NDRG1: variants seen among roughly 807,000 people sequenced by gnomAD.
NDRG1 encodes the protein N-myc downstream regulated 1.
NDRG1 carries 32 observed loss-of-function variants against 56.9 expected under a neutral mutation model. That is an observed-to-expected ratio of 0.56 (90% confidence interval 0.42 to 0.76). NDRG1 has a LOEUF of 0.76. NDRG1 is among the 30% of genes least tolerant of loss of function. The pLI, the probability that NDRG1 is intolerant of heterozygous loss-of-function variation, is 0.00. For synonymous variants in NDRG1, 211 were observed against 204.1 expected (o/e 1.03, Z -0.29); for missense variants, 507 against 545.7 (o/e 0.93, Z 0.71).
At position 133,255,504 on chromosome 8, in the gene NDRG1, G is replaced by A. The variant is rs533730479; in HGVS notation, c.538-909C>T. On this transcript the variant is annotated intron_variant, in intron 8 of 15. Transcript: ENST00000323851. ...TCAGGCTTCACATTAGCCAGTGGTC[G>A]ACATCCCCAGACCTTCGAGTCTCAC... The A allele has an allele frequency of 2.7e-4, 106 of 398,888 alleles. 1 individual carries two copies. The highest frequency in any genetic ancestry group is 1.0e-3 in the South Asian group (56 of 55,554). The allele number at this position is 398,888 out of a possible 1,614,324, so 24.7% of individuals were successfully genotyped here.
intron 1 of NDRG1, among the ~76,000 whole-genome samples, chr8:133,288,650 G>T (rs1325356532): frequency 6.6e-6 from 1 of 152,200 alleles, no homozygotes; most frequent in Non-Finnish European, 1.5e-5. Context: ...GGACCCACTA[G>T]AAAGCATCAA....
chr8:133,254,216 G>A (rs117569140), intron 9 of NDRG1, among the ~76,000 whole-genome samples: 2,051 of 152,318 alleles, frequency 0.013, 20 homozygotes, highest in Non-Finnish European at 0.021. Context: ...GGGGCACAAG[G>A]AAACTCTTGG....
At chr8:133,279,169 C>A (rs1375944167) in intron 3 of NDRG1, among the ~76,000 whole-genome samples, 1 of 152,200 alleles carries the variant, frequency 6.6e-6, no homozygotes, top group Non-Finnish European at 1.5e-5. Flanking sequence ...GGATTACAGG[C>A]ATGAGCCACT....
At chr8:133,264,704 G>A (rs368584194) in intron 3 of NDRG1, 52 bp from the exon 4 acceptor site, 72 of 1,499,756 alleles carry the variant, frequency 4.8e-5, no homozygotes, top group Non-Finnish European at 6.5e-5. Context: ...CATGGCATCC[G>A]CGTGGCTGAA....
intron 1 of NDRG1, among the ~76,000 whole-genome samples, chr8:133,292,392 C>T (rs1810346906): frequency 6.6e-6 from 1 of 152,184 alleles, no homozygotes; most frequent in Admixed American, 6.5e-5. Flanking sequence ...CTTCCTTAAT[C>T]AGTGGAGATG....
At chr8:133,247,033 A>G (rs1029768710) in intron 12 of NDRG1, among the ~76,000 whole-genome samples, 1 of 152,246 alleles carries the variant, frequency 6.6e-6, no homozygotes, top group Non-Finnish European at 1.5e-5. Context: ...CTACAGGTTT[A>G]ATATTCCCAG....
intron 3 of NDRG1, among the ~76,000 whole-genome samples, chr8:133,270,027 C>T (rs189535095): frequency 1.4e-3 from 214 of 152,364 alleles, no homozygotes; most frequent in Non-Finnish European, 1.2e-3. Flanking sequence ...GCCATGCAAA[C>T]CCTGTTCTCT....
At chr8:133,261,224 G>A (rs569079893) in intron 5 of NDRG1, among the ~76,000 whole-genome samples, 66 of 152,282 alleles carry the variant, frequency 4.3e-4, no homozygotes, top group African/African-American at 1.5e-3. Context: ...TCTGGCCTAA[G>A]CCTCCCGAGT....
intron 2 of NDRG1, among the ~76,000 whole-genome samples, chr8:133,282,062 T>C (rs1203177684): frequency 6.6e-6 from 1 of 152,180 alleles, no homozygotes; most frequent in Non-Finnish European, 1.5e-5. Flanking sequence ...GTCTAAACCT[T>C]GAAAGAAAGG....
At chr8:133,248,598 T>A (rs1225570872) in intron 11 of NDRG1, 117 bp downstream of exon 11, 2 of 1,214,322 alleles carry the variant, frequency 1.6e-6, no homozygotes, top group Non-Finnish European at 2.4e-6. Context: ...GTGGAATATA[T>A]CCAGGTCTCA....
intron 10 of NDRG1, chr8:133,249,272 A>AGGCCCAGTGTGGGTCC (rs1447220637): frequency 4.6e-6 from 1 of 218,538 alleles, no homozygotes; most frequent in African/African-American, 2.3e-5. Context: ...CACTCGTGTG[A>AGGCCCAGTGTGGGTCC]GGCCCAGTGT....
intron 5 of NDRG1, among the ~76,000 whole-genome samples, chr8:133,259,870 C>G (rs1195848267): frequency 2.0e-5 from 3 of 152,146 alleles, no homozygotes; most frequent in Admixed American, 6.5e-5. Flanking sequence ...CTGCCGTGCT[C>G]AGATGATCAG....
intron 2 of NDRG1, among the ~76,000 whole-genome samples, 185 bp downstream of exon 2, chr8:133,284,064 G>A (rs929661686): frequency 3.9e-5 from 6 of 152,216 alleles, no homozygotes; most frequent in Non-Finnish European, 8.8e-5. Flanking sequence ...ATGTGTGTAC[G>A]CATGTGTGTC....
At chr8:133,239,288 G>A in intron 15 of NDRG1, 169 bp from the exon 16 acceptor site, 2 of 1,097,812 alleles carry the variant, frequency 1.8e-6, no homozygotes, top group South Asian at 1.5e-5. Context: ...CACTCGGAGA[G>A]AGAGATGGCA....
intron 3 of NDRG1, among the ~76,000 whole-genome samples, chr8:133,268,192 G>A (rs981863966): frequency 2.0e-5 from 3 of 152,096 alleles, no homozygotes; most frequent in African/African-American, 4.8e-5. Flanking sequence ...ATCTGATCCC[G>A]ACAGATGATG....
chr8:133,259,925 C>T lies in NDRG1; in HGVS notation c.327-695G>A, dbSNP rs75695303. Among the ~76,000 whole-genome samples, 87 of 152,286 alleles carry T rather than the reference C, an allele frequency of 5.7e-4. 2 individuals are homozygous for T. In the East Asian group the frequency reaches 0.015, roughly 25 times the overall value. On this transcript the variant is annotated intron_variant, in intron 5 of 15. Coordinates refer to ENST00000323851, the MANE Select transcript of NDRG1 (RefSeq NM_006096.4). ...GTGACGCTGAAGGGGTCATGGGAAC[C>T]TGATGAGTAAAGCGTGTGGGCAGGG...
chr8:133,286,043 C>T (rs554696804), intron 1 of NDRG1, among the ~76,000 whole-genome samples: 18 of 152,270 alleles, frequency 1.2e-4, no homozygotes, highest in Admixed American at 5.2e-4. Context: ...CAGCAAAGCG[C>T]GCCAGGGTGA....
In NDRG1 at chr8:133,262,049, T is replaced by C. The variant is rs1856684181; in HGVS notation, c.324A>G (p.Ala108=). Residue 108 remains alanine, a splice_region_variant and synonymous_variant, in exon 5 of 16, where the codon GCA becomes GCG. Transcript: ENST00000323851. ...GQQDGAASFP[A]GYMYPSMDQL... ...TCATAGGGCAAGAGGCCTCTCACCC[T>C]GCGGGGAAGGAGGCTGCGCCGTCCT... The C allele has an allele frequency of 2.5e-6, 4 of 1,611,350 alleles. No individual in the cohort carries two copies. The highest frequency in any genetic ancestry group is 2.5e-6 in the Non-Finnish European group (3 of 1,178,382).
chr8:133,296,729 ACACT>A (rs1858795997), intron 1 of NDRG1: 2 of 272,958 alleles, frequency 7.3e-6, no homozygotes, highest in Non-Finnish European at 1.5e-5. Context: ...ACACACACAC[ACACT>A]CACCTAGTCC....
Sources: allele counts gnomAD v4.1 joint callset (sites outside exome capture counted in the v4.1 genomes callset), GRCh38; gene constraint gnomAD v4.1.1; transcripts MANE v1.5; gene names NCBI Gene and HGNC (gene_info 2026-07-23, HGNC 2026-07-21).